UBQLN1: variants seen among roughly 807,000 people sequenced by gnomAD.
UBQLN1 encodes the protein ubiquilin 1, also known as ubiquilin-1.
Under a neutral mutation model 65.4 loss-of-function variants are expected in UBQLN1, and 13 were observed. That is an observed-to-expected ratio of 0.20 (90% CI 0.13 to 0.32). The LOEUF (loss-of-function observed/expected upper bound fraction) is 0.32, where lower values mean the gene tolerates loss of function less well. Ranked by LOEUF, UBQLN1 falls within the 10% of genes least tolerant of loss-of-function variation. The pLI, the probability that UBQLN1 is intolerant of heterozygous loss-of-function variation, is 1.00. For synonymous variants in UBQLN1, 267 were observed against 247.8 expected (o/e 1.08, Z -0.73); for missense variants, 561 against 724.0 (o/e 0.77, Z 2.58).
rs140404937 is a variant in UBQLN1 at position 83,675,442 on chromosome 9, G to A, written c.1105+2285C>T. 2.4e-3 allele frequency among the ~76,000 whole-genome samples: 364 copies of A among 151,220 alleles called. 6 individuals carry two copies. Among genetic ancestry groups the A allele is most frequent in the African/African-American group, 8.5e-3 (350 of 41,148 alleles). ...TTGTTTGAATCACAAGCAATGTCAA[G>A]GTGCTTTACAGACTTCCTATGCCGT... On this transcript the variant is annotated intron_variant, in intron 6 of 10. Transcript: ENST00000376395.
chr9:83,670,136 A>T (rs1423618057), intron 6 of UBQLN1, among the ~76,000 whole-genome samples: 1 of 152,096 alleles, frequency 6.6e-6, no homozygotes, highest in Non-Finnish European at 1.5e-5. Context: ...TTTGAAAACT[A>T]AGTTAATTTG....
At chr9:83,675,186 T>C (rs1457941175) in intron 6 of UBQLN1, among the ~76,000 whole-genome samples, 1 of 152,208 alleles carries the variant, frequency 6.6e-6, no homozygotes, top group Non-Finnish European at 1.5e-5. Context: ...TGATGGTGGC[T>C]TAGCAGAGGT....
rs756952372 is a variant in UBQLN1, at chr9:83,685,959, A to G, written c.332+45T>C. On this transcript the variant is annotated intron_variant, in intron 2 of 10. Transcript: ENST00000376395. ...ACACTAGTTACTTTTAGAAGTACGAACATTTATCCACAATTTTAAAGCTGT... is the reference window on the plus strand; with the variant it reads ...ACACTAGTTACTTTTAGAAGTACGAGCATTTATCCACAATTTTAAAGCTGT... The G allele has an allele frequency of 1.2e-5, 18 of 1,530,746 alleles. No individual in the cohort carries two copies. The South Asian group carries it at 1.8e-4, about 16-fold the overall frequency. The allele number at this position is 1,530,746 out of a possible 1,614,324, so 94.8% of individuals were successfully genotyped here.
intron 2 of UBQLN1, among the ~76,000 whole-genome samples, chr9:83,685,392 C>T (rs979928275): frequency 6.6e-6 from 1 of 152,050 alleles, no homozygotes; most frequent in Admixed American, 6.5e-5. Context: ...AATTCCATAC[C>T]CATGTAAGTC....
intron 1 of UBQLN1, among the ~76,000 whole-genome samples, chr9:83,706,602 G>C (rs1332029718): frequency 6.6e-6 from 1 of 152,200 alleles, no homozygotes; most frequent in East Asian, 1.9e-4. Context: ...GATTAAGTCA[G>C]TAATTATGGA....
chr9:83,665,020 A>G lies in UBQLN1; in HGVS notation c.1448+10T>C, dbSNP rs752020531. On this transcript the variant is annotated intron_variant, in intron 9 of 10. Coordinates refer to ENST00000376395, the MANE Select transcript of UBQLN1 (RefSeq NM_013438.5). ...TATACACTTTCATTATCTTCCCCAA[A>G]TAAGCCTACCCTGGGATGAGGCCCG... The G allele has an allele frequency of 1.3e-6, 2 of 1,590,030 alleles. No homozygotes were observed. The highest frequency in any genetic ancestry group is 1.7e-6 in the Non-Finnish European group (2 of 1,165,316).
chr9:83,690,594 C>T (rs376988711), intron 1 of UBQLN1, among the ~76,000 whole-genome samples: 3 of 152,014 alleles, frequency 2.0e-5, no homozygotes, highest in East Asian at 1.9e-4. Flanking sequence ...AGGGGCTGGG[C>T]GTGGTGGTTC....
At position 83,668,076 on chromosome 9, in the gene UBQLN1, T is replaced by C. The variant is rs79901564; in HGVS notation, c.1248+1109A>G. 7.1e-3 allele frequency: 7,001 copies of C among 985,316 alleles called. 346 individuals carry two copies. The African/African-American group carries it at 0.11, about 15-fold the overall frequency. The allele number at this position is 985,316 out of a possible 1,614,324, so 61.0% of individuals were successfully genotyped here. A position where few individuals can be genotyped will look rare whatever the true frequency, so the allele number is the denominator to read the frequency against. On this transcript the variant is annotated intron_variant, in intron 7 of 10. Coordinates refer to ENST00000376395, the MANE Select transcript of UBQLN1 (RefSeq NM_013438.5). ...ACTTAAAATGGCTTATTATGGTAAA[T>C]TGAAGCATTTAATACTAACAACTCA... is the stretch of plus-strand genomic sequence containing the variant.
In UBQLN1 at chr9:83,678,438, C is replaced by T; in HGVS notation, c.870+3G>A. ...GGCCTGAACCTTGGAGCCAGTGGAT[C>T]ACCTGCTCTTGTGCAGCACTCAGCA... is the stretch of plus-strand genomic sequence containing the variant. On this transcript the variant is annotated splice_donor_region_variant and intron_variant, in intron 5 of 10. Coordinates refer to ENST00000376395, the MANE Select transcript of UBQLN1 (RefSeq NM_013438.5). 1.2e-6 allele frequency: 2 copies of T among 1,607,394 alleles called. No individual in the cohort carries two copies. The highest frequency in any genetic ancestry group is 1.7e-6 in the Non-Finnish European group (2 of 1,177,550).
intron 1 of UBQLN1, among the ~76,000 whole-genome samples, chr9:83,686,802 A>T (rs1199883180): frequency 6.6e-6 from 1 of 152,136 alleles, no homozygotes; most frequent in African/African-American, 2.4e-5. Flanking sequence ...AAAACTTTTG[A>T]GTATCCATGA....
chr9:83,707,644 G>C lies in UBQLN1; in HGVS notation c.36C>G (p.Gly12=). The C allele has an allele frequency of 1.3e-6, 2 of 1,568,800 alleles. No homozygotes were observed. The highest frequency in any genetic ancestry group is 1.7e-6 in the Non-Finnish European group (2 of 1,158,228). The change falls in exon 1 of 11, where the codon GGC becomes GGG. Residue 12 remains glycine (G), a synonymous_variant. Coordinates refer to ENST00000376395, the MANE Select transcript of UBQLN1 (RefSeq NM_013438.5). ...AESGESGGPP[G]SQDSAAGAEG... ...CGGCTCCGGCGGCGCTATCCTGGGA[G>C]CCCGGAGGACCGCCGCTTTCACCAC...
chr9:83,671,870 A>G lies in UBQLN1; in HGVS notation c.1106-2543T>C, dbSNP rs1052758331. ...TCTCCAGAAATGAAAATTCTAGATG[A>G]TATCTTCTTCCAATAGAAGGCTGTT... On this transcript the variant is annotated intron_variant, in intron 6 of 10. Transcript: ENST00000376395. Among the ~76,000 whole-genome samples the G allele has an allele frequency of 5.9e-5, 9 of 152,334 alleles. 1 individual carries two copies. In the South Asian group the frequency reaches 1.4e-3, roughly 25 times the overall value.
chr9:83,683,151 G>A (rs527960967), intron 2 of UBQLN1, 85 bp from the exon 3 acceptor site: 16 of 892,058 alleles, frequency 1.8e-5, no homozygotes, highest in South Asian at 1.4e-4. Context: ...AGTGGCTCAC[G>A]CCTGTAATCC....
At chr9:83,688,166 A>G (rs1365241019) in intron 1 of UBQLN1, among the ~76,000 whole-genome samples, 1 of 152,228 alleles carries the variant, frequency 6.6e-6, no homozygotes, top group Non-Finnish European at 1.5e-5. Context: ...ATAAATGCAA[A>G]CATCAGGTAT....
At chr9:83,678,301 G>A (rs151042416) in intron 5 of UBQLN1, 140 bp downstream of exon 5, 24,629 of 1,059,080 alleles carry the variant, frequency 0.023, 366 homozygotes, top group Middle Eastern at 0.035. Flanking sequence ...GATTACAGGC[G>A]TGAGCCACTG....
At chr9:83,666,049 A>G (rs1307348503) in intron 8 of UBQLN1, among the ~76,000 whole-genome samples, 1 of 152,244 alleles carries the variant, frequency 6.6e-6, no homozygotes, top group Non-Finnish European at 1.5e-5. Context: ...GAAGCACTTC[A>G]AAGTTAGTAC....
Position 83,683,070 on chromosome 9 carries a change from G to C in UBQLN1, c.333-4C>G, listed in dbSNP as rs768801290. The C allele has an allele frequency of 6.3e-6, 10 of 1,597,984 alleles. No homozygotes were observed. The South Asian group carries it at 8.8e-5, about 14-fold the overall frequency. On this transcript the variant is annotated splice_region_variant and splice_polypyrimidine_tract_variant and intron_variant, in intron 2 of 10. Coordinates refer to ENST00000376395, the MANE Select transcript of UBQLN1 (RefSeq NM_013438.5). Reference sequence around the variant, plus strand: ...CTGAGCTGAATGATCCTGAGGCCTAGGGAAAATAATTAATCACAGAGTAAG... The same window carrying C: ...CTGAGCTGAATGATCCTGAGGCCTACGGAAAATAATTAATCACAGAGTAAG...
chr9:83,700,277 G>A (rs573020389), intron 1 of UBQLN1, among the ~76,000 whole-genome samples: 3 of 152,304 alleles, frequency 2.0e-5, no homozygotes, highest in African/African-American at 7.2e-5. Context: ...GTTGTGCCTG[G>A]AGAGTGGTGA....
At chr9:83,699,847 C>T (rs1157536382) in intron 1 of UBQLN1, among the ~76,000 whole-genome samples, 1 of 152,156 alleles carries the variant, frequency 6.6e-6, no homozygotes, top group Non-Finnish European at 1.5e-5. Context: ...CAAATGGGCA[C>T]AATAGATTTC....
Sources: allele counts gnomAD v4.1 joint callset (sites outside exome capture counted in the v4.1 genomes callset), GRCh38; gene constraint gnomAD v4.1.1; transcripts MANE v1.5; gene names NCBI Gene and HGNC (gene_info 2026-07-23, HGNC 2026-07-21).